Variants in SORCS3 observed in about 807,000 individuals in gnomAD.
SORCS3 encodes the protein sortilin related VPS10 domain containing receptor 3, also known as VPS10 domain-containing receptor SorCS3.
SORCS3 carries 57 observed loss-of-function variants against 146.3 expected under a neutral mutation model. The ratio of observed to expected loss-of-function variants is 0.39; its 90% confidence interval spans 0.31 to 0.49. The LOEUF is 0.49. SORCS3 is among the 20% of genes least tolerant of loss of function. The pLI is 0.92. For missense variants in SORCS3, 1,341 were observed against 1,575.5 expected (o/e 0.85, Z 2.52); for synonymous variants, 653 against 618.5 (o/e 1.06, Z -0.83).
chr10:104,916,081 T>G, intron 3 of SORCS3, 149 bp downstream of exon 3: 2 of 625,620 alleles, frequency 3.2e-6, no homozygotes, highest in Non-Finnish European at 5.7e-6. Context: ...CTGTTTGTAA[T>G]TCTAACAACA....
In SORCS3 at chr10:104,691,062, G is replaced by A. The variant is rs144108253; in HGVS notation, c.627+49108G>A. 1.3e-4 allele frequency among the ~76,000 whole-genome samples: 20 copies of A among 152,330 alleles called. No homozygotes were observed. In the East Asian group the frequency reaches 2.1e-3, roughly 16 times the overall value. On this transcript the variant is annotated intron_variant, in intron 1 of 26. Coordinates refer to ENST00000369701, the MANE Select transcript of SORCS3 (RefSeq NM_014978.3). The stretch of plus-strand genomic sequence containing the variant: ...AGGGGGATGGGCTTTGCCAGCACCC[G>A]TGGGCAGCTTGTCCTGCAGTGCTGT...
intron 1 of SORCS3, among the ~76,000 whole-genome samples, chr10:104,735,810 G>A (rs1254214082): frequency 1.3e-5 from 2 of 151,984 alleles, no homozygotes; most frequent in Admixed American, 6.6e-5. Flanking sequence ...TAGGTTTCTT[G>A]GAACCGGTTC....
rs55715641 is a variant in SORCS3, at chr10:105,105,064, G to A, written c.1094-333G>A. On this transcript the variant is annotated intron_variant, in intron 6 of 26. Transcript: ENST00000369701. Reference sequence around the variant, plus strand: ...AGAATTCTCTAATTAGAAAATTAGAGAGAACAGATTCTCCTTGAATTAGAA... The same window carrying A: ...AGAATTCTCTAATTAGAAAATTAGAAAGAACAGATTCTCCTTGAATTAGAA... Among the ~76,000 whole-genome samples the A allele has an allele frequency of 4.8e-3, 730 of 152,212 alleles. 4 individuals carry two copies. Among genetic ancestry groups the A allele is most frequent in the African/African-American group, 0.016 (679 of 41,526 alleles).
chr10:104,916,631 C>T (rs1197701090), intron 3 of SORCS3, among the ~76,000 whole-genome samples: 1 of 152,058 alleles, frequency 6.6e-6, no homozygotes, highest in Non-Finnish European at 1.5e-5. Context: ...AATACTGCAC[C>T]ATGTATTATC....
At chr10:105,121,437 G>T (rs557702518) in intron 7 of SORCS3, among the ~76,000 whole-genome samples, 1 of 152,286 alleles carries the variant, frequency 6.6e-6, no homozygotes, top group South Asian at 2.1e-4. Flanking sequence ...GCAAGGTCAA[G>T]GATATGACCT....
chr10:105,154,986 C>A (rs914103356), intron 9 of SORCS3, among the ~76,000 whole-genome samples: 1 of 152,140 alleles, frequency 6.6e-6, no homozygotes, highest in African/African-American at 2.4e-5. Flanking sequence ...GGAAATGTTC[C>A]GTTTGTTTCA....
chr10:104,704,441 A>G (rs1412513594), intron 1 of SORCS3, among the ~76,000 whole-genome samples: 2 of 152,124 alleles, frequency 1.3e-5, no homozygotes, highest in Non-Finnish European at 2.9e-5. Context: ...CCTCCCAAAA[A>G]GCTGGGATTA....
intron 1 of SORCS3, among the ~76,000 whole-genome samples, chr10:104,696,752 G>GTATATATAA (rs1031759453): frequency 1.8e-5 from 2 of 110,674 alleles, no homozygotes; most frequent in Non-Finnish European, 3.5e-5. Flanking sequence ...TATTATATAC[G>GTATATATAA]TATATATAAT....
chr10:104,641,989 C>G lies in SORCS3; in HGVS notation c.627+35C>G, dbSNP rs754348365. ...CACCCGGCGGCGGGTCCGCCTGTTT[C>G]CTGACACCGAAGGGGAATGGGGGGG... On this transcript the variant is annotated intron_variant, in intron 1 of 26. Coordinates refer to ENST00000369701, the MANE Select transcript of SORCS3 (RefSeq NM_014978.3). The surrounding 1 kb of genome is among the most constrained non-coding windows in gnomAD (Gnocchi z 6.4). 1 of 1,448,652 alleles carries G rather than the reference C, an allele frequency of 6.9e-7. No individual in the cohort carries two copies. Among genetic ancestry groups the G allele is most frequent in the Non-Finnish European group, 9.2e-7 (1 of 1,090,320 alleles). 89.7% of individuals were successfully genotyped at this position (1,448,652 alleles called of 1,614,324 possible).
intron 13 of SORCS3, among the ~76,000 whole-genome samples, chr10:105,174,223 A>G (rs945129875): frequency 2.8e-4 from 42 of 152,076 alleles, no homozygotes; most frequent in Non-Finnish European, 5.0e-4. Flanking sequence ...TTGGAGATCA[A>G]TTGGAATTTT....
At chr10:104,973,646 G>T (rs2054875673) in intron 3 of SORCS3, among the ~76,000 whole-genome samples, 1 of 150,618 alleles carries the variant, frequency 6.6e-6, no homozygotes, top group Non-Finnish European at 1.5e-5. Flanking sequence ...CAAAAAAACA[G>T]CTCCTGGATT....
chr10:105,259,161 A>T (rs539238574), intron 25 of SORCS3, among the ~76,000 whole-genome samples: 1 of 152,184 alleles, frequency 6.6e-6, no homozygotes. Flanking sequence ...ATGCTCTATC[A>T]TCAGTACTGT....
At chr10:104,902,156 A>G (rs945341286) in intron 2 of SORCS3, among the ~76,000 whole-genome samples, 2 of 152,214 alleles carry the variant, frequency 1.3e-5, no homozygotes, top group South Asian at 4.1e-4. Context: ...CCAATCAACC[A>G]TAACTCATGG....
intron 2 of SORCS3, among the ~76,000 whole-genome samples, chr10:104,849,976 ATGC>A (rs1011883998): frequency 5.3e-5 from 8 of 152,334 alleles, no homozygotes; most frequent in Admixed American, 5.2e-4. Flanking sequence ...CATACACCAG[ATGC>A]TGCTGCTGCT....
chr10:104,724,337 A>C (rs1241218914), intron 1 of SORCS3, among the ~76,000 whole-genome samples: 2 of 152,204 alleles, frequency 1.3e-5, no homozygotes, highest in Non-Finnish European at 2.9e-5. Flanking sequence ...GTTTCTGCCG[A>C]GAGATCAGCT....
intron 4 of SORCS3, among the ~76,000 whole-genome samples, chr10:104,978,750 C>T (rs1399388645): frequency 6.6e-6 from 1 of 152,166 alleles, no homozygotes; most frequent in Non-Finnish European, 1.5e-5. Flanking sequence ...AGAGTCTCTT[C>T]CAGTATGTTA....
intron 1 of SORCS3, among the ~76,000 whole-genome samples, chr10:104,700,205 G>A (rs1313244625): frequency 6.6e-6 from 1 of 152,168 alleles, no homozygotes; most frequent in Non-Finnish European, 1.5e-5. Context: ...GTACTGGTCA[G>A]GAAGCTTTGA....
At chr10:105,140,089 C>T (rs2056085031) in intron 8 of SORCS3, among the ~76,000 whole-genome samples, 1 of 152,090 alleles carries the variant, frequency 6.6e-6, no homozygotes, top group Admixed American at 6.6e-5. Flanking sequence ...GGAGATGGAC[C>T]TTAGAACCTC....
At chr10:105,037,691 C>A (rs2055315378) in intron 4 of SORCS3, among the ~76,000 whole-genome samples, 1 of 152,146 alleles carries the variant, frequency 6.6e-6, no homozygotes, top group Admixed American at 6.5e-5. Context: ...CACCCTAACA[C>A]CCTCATTTTA....
Sources: gnomAD v4.1 joint callset for allele counts (sites outside exome capture counted in the v4.1 genomes callset) on GRCh38, gnomAD v4.1.1 for gene constraint, Gnocchi (gnomAD v3.1) non-coding constraint, MANE v1.5 for transcripts, NCBI Gene and HGNC (gene_info 2026-07-23, HGNC 2026-07-21) for gene names.